CNTNAP2: variants seen among roughly 807,000 people sequenced by gnomAD.
CNTNAP2 encodes contactin associated protein 2.
Under a neutral mutation model 155.2 loss-of-function variants are expected in CNTNAP2, and 98 were observed. The ratio of observed to expected loss-of-function variants is 0.63; its 90% CI spans 0.54 to 0.75. CNTNAP2 has a LOEUF of 0.75. CNTNAP2 is among the 30% of genes least tolerant of loss of function. CNTNAP2 has a pLI of 0.00. For missense variants in CNTNAP2, 1,727 were observed against 1,688.1 expected, an observed-to-expected ratio of 1.02 and a Z score of -0.40; for synonymous variants, 651 against 631.2, an observed-to-expected ratio of 1.03 and a Z score of -0.47.
intron 3 of CNTNAP2, among the ~76,000 whole-genome samples, chr7:146,942,692 G>T (rs1042369085): frequency 5.3e-5 from 8 of 152,206 alleles, no homozygotes; most frequent in African/African-American, 1.2e-4. Flanking sequence ...TCATTAAGAA[G>T]AATAATAAAT....
At chr7:147,112,542 C>G (rs910272633) in intron 5 of CNTNAP2, among the ~76,000 whole-genome samples, 1 of 152,046 alleles carries the variant, frequency 6.6e-6, no homozygotes. Flanking sequence ...GAGGTATGTT[C>G]CTTCAAAACC....
At chr7:147,060,727 G>T (rs1454936968) in intron 4 of CNTNAP2, among the ~76,000 whole-genome samples, 3 of 152,120 alleles carry the variant, frequency 2.0e-5, no homozygotes, top group Non-Finnish European at 2.9e-5. Context: ...AGCCAGGCGT[G>T]GTGGCGGGCG....
intron 12 of CNTNAP2, among the ~76,000 whole-genome samples, chr7:147,618,921 AG>A (rs1801343841): frequency 6.6e-6 from 1 of 152,152 alleles, no homozygotes; most frequent in South Asian, 2.1e-4. Flanking sequence ...GAGGCAGCAG[AG>A]GGATTTTTCT....
intron 1 of CNTNAP2, among the ~76,000 whole-genome samples, chr7:146,543,390 G>C (rs1268151166): frequency 6.6e-6 from 1 of 151,758 alleles, no homozygotes; most frequent in African/African-American, 2.4e-5. Flanking sequence ...CCATACCCAA[G>C]AACATTCCCT....
At chr7:148,021,913 T>C (rs1802285793) in intron 15 of CNTNAP2, among the ~76,000 whole-genome samples, 1 of 152,146 alleles carries the variant, frequency 6.6e-6, no homozygotes, top group African/African-American at 2.4e-5. Flanking sequence ...CCCTTTTGTT[T>C]TGTTGTCACA....
chr7:147,561,699 A>ATG lies in CNTNAP2; in HGVS notation c.1778-428_1778-427dup, dbSNP rs754717129. Among the ~76,000 whole-genome samples the ATG allele has an allele frequency of 6.6e-5, 10 of 152,124 alleles. No homozygotes were observed. In the South Asian group the frequency reaches 1.0e-3, roughly 16 times the overall value. ...AAAAAATAAGTGTGCATGTGAGTGT[A>ATG]TGTGTGTGTGTGCACAAGAGAGAGG... On this transcript the variant is annotated intron_variant, in intron 11 of 23. Transcript: ENST00000361727.
intron 11 of CNTNAP2, among the ~76,000 whole-genome samples, chr7:147,515,607 C>T (rs1799112130): frequency 6.6e-6 from 1 of 152,108 alleles, no homozygotes; most frequent in Non-Finnish European, 1.5e-5. Flanking sequence ...AGGCGTGAAC[C>T]ACTGTATGCA....
chr7:147,727,853 T>A (rs1026324615), intron 13 of CNTNAP2, among the ~76,000 whole-genome samples: 1 of 151,558 alleles, frequency 6.6e-6, no homozygotes, highest in East Asian at 2.0e-4. Flanking sequence ...GGGACTTGGA[T>A]AGGAAGCAGA....
chr7:148,311,844 G>A (rs941491259), intron 21 of CNTNAP2, among the ~76,000 whole-genome samples: 5 of 152,110 alleles, frequency 3.3e-5, no homozygotes, highest in East Asian at 1.9e-4. Context: ...AAGGAAATAC[G>A]GGGAAATGGG....
intron 13 of CNTNAP2, among the ~76,000 whole-genome samples, chr7:147,878,893 G>C (rs1232647523): frequency 6.6e-6 from 1 of 152,152 alleles, no homozygotes; most frequent in Admixed American, 6.5e-5. Context: ...TCTTCTGACA[G>C]GGCTCAATGA....
chr7:147,000,644 A>G (rs1165412500), intron 3 of CNTNAP2, among the ~76,000 whole-genome samples: 1 of 152,092 alleles, frequency 6.6e-6, no homozygotes, highest in East Asian at 1.9e-4. Context: ...CTGAACCACC[A>G]TGGCTGGTAT....
At position 148,383,857 on chromosome 7, in the gene CNTNAP2, C is replaced by T. The variant is rs772119154; in HGVS notation, c.3684C>T (p.Thr1228=). The T allele has an allele frequency of 7.4e-6, 12 of 1,613,816 alleles. No individual in the cohort carries two copies. Among genetic ancestry groups the T allele is most frequent in the African/African-American group, 1.3e-5 (1 of 74,908 alleles). ...PLTLSPMSSA[T]DPWHLDHLDS... ...CCCTCTCCCCCATGTCGTCCGCCAC[C>T]GACCCCTGGCACCTGGATCACCTGG... The change falls in exon 22 of 24, where the codon ACC becomes ACT. Residue 1228 remains threonine (T), a synonymous_variant. Coordinates refer to ENST00000361727, the MANE Select transcript of CNTNAP2 (RefSeq NM_014141.6).
intron 22 of CNTNAP2, among the ~76,000 whole-genome samples, chr7:148,390,784 GTTACACTTCTA>G (rs1202444863): frequency 6.6e-6 from 1 of 152,168 alleles, no homozygotes; most frequent in African/African-American, 2.4e-5. Context: ...TAACACTACT[GTTACACTTCTA>G]TAACAAACAC....
intron 20 of CNTNAP2, among the ~76,000 whole-genome samples, chr7:148,233,605 T>C (rs558323946): frequency 6.6e-6 from 1 of 152,348 alleles, no homozygotes; most frequent in East Asian, 1.9e-4. Context: ...GCCCATAGCA[T>C]ACTCCACTTA....
rs374679188 is a variant in CNTNAP2, at chr7:146,468,807, A to T, written c.98-305464A>T. Among the ~76,000 whole-genome samples the T allele has an allele frequency of 4.6e-5, 7 of 152,202 alleles. No homozygotes were observed. The East Asian group carries it at 5.8e-4, about 13-fold the overall frequency. ...TGGGAATCTGGAAGGAGTTTAAAAA[A>T]CTCTGCAAAATGAAAATTATAGACT... On this transcript the variant is annotated intron_variant, in intron 1 of 23. Transcript: ENST00000361727.
At chr7:146,751,814 C>T (rs554773095) in intron 1 of CNTNAP2, among the ~76,000 whole-genome samples, 1 of 152,054 alleles carries the variant, frequency 6.6e-6, no homozygotes, top group Middle Eastern at 3.4e-3. Context: ...TATGTTGTTC[C>T]CCTCGCTGTG....
chr7:148,334,774 G>T (rs774309807), intron 21 of CNTNAP2, among the ~76,000 whole-genome samples: 1 of 152,226 alleles, frequency 6.6e-6, no homozygotes, highest in African/African-American at 2.4e-5. Flanking sequence ...GGGGAGGGCT[G>T]CCCATGCAAA....
At chr7:148,028,940 C>T (rs11766463) in intron 15 of CNTNAP2, among the ~76,000 whole-genome samples, 6,496 of 152,242 alleles carry the variant, frequency 0.043, 175 homozygotes, top group South Asian at 0.12. Context: ...CATAGTATGA[C>T]AATTGGGAGA....
intron 9 of CNTNAP2, among the ~76,000 whole-genome samples, chr7:147,369,442 A>G (rs1796304356): frequency 6.6e-6 from 1 of 152,186 alleles, no homozygotes; most frequent in African/African-American, 2.4e-5. Context: ...TTCCTCTCCT[A>G]CTACACACAT....
Sources: gnomAD v4.1 joint callset for allele counts (sites outside exome capture counted in the v4.1 genomes callset) on GRCh38, gnomAD v4.1.1 for gene constraint, MANE v1.5 for transcripts, NCBI Gene and HGNC (gene_info 2026-07-23, HGNC 2026-07-21) for gene names.